The following CHN1 variants were observed in gnomAD, a reference collection of about 807,000 sequenced individuals.
CHN1 encodes the protein chimerin 1.
Under a neutral mutation model 59.5 loss-of-function variants are expected in CHN1, and 37 were observed. The observed-to-expected ratio is 0.62, with a 90% CI of 0.48 to 0.82. CHN1 has a LOEUF of 0.82. CHN1 is among the 40% of genes least tolerant of loss of function. CHN1 has a pLI of 0.00. For synonymous variants in CHN1, 206 were observed against 200.4 expected (o/e 1.03, Z -0.24); for missense variants, 469 against 571.0 (o/e 0.82, Z 1.82).
chr2:174,843,516 C>T lies in CHN1; in HGVS notation c.627+3364G>A, dbSNP rs916104714. On this transcript the variant is annotated intron_variant, in intron 7 of 12. Transcript: ENST00000409900. ...CCTCCCAAAGTGCTGGGATTACAGGCATGAGCCACTGTGCCTGGCCAAATG... is the reference window on the plus strand; with the variant it reads ...CCTCCCAAAGTGCTGGGATTACAGGTATGAGCCACTGTGCCTGGCCAAATG... 4.6e-5 allele frequency among the ~76,000 whole-genome samples: 7 copies of T among 152,102 alleles called. 1 individual carries two copies. The highest frequency in any genetic ancestry group is 3.9e-4 in the Admixed American group (6 of 15,256).
chr2:174,838,889 C>T (rs1686188542), intron 7 of CHN1, among the ~76,000 whole-genome samples: 1 of 151,848 alleles, frequency 6.6e-6, no homozygotes, highest in Non-Finnish European at 1.5e-5. Flanking sequence ...TGGTGGTGGG[C>T]ACCTGTAATC....
intron 1 of CHN1, among the ~76,000 whole-genome samples, chr2:174,987,145 T>C (rs1480103873): frequency 6.6e-6 from 1 of 152,244 alleles, no homozygotes; most frequent in Non-Finnish European, 1.5e-5. Context: ...TTTATGTTAT[T>C]GGTAAGGTTT....
chr2:174,888,479 C>A (rs1486437868), intron 5 of CHN1, among the ~76,000 whole-genome samples: 1 of 152,072 alleles, frequency 6.6e-6, no homozygotes, highest in Non-Finnish European at 1.5e-5. Context: ...GAAGAAAGGG[C>A]AATATGGGGT....
chr2:174,934,094 G>A (rs572355354), intron 3 of CHN1, among the ~76,000 whole-genome samples: 3 of 152,270 alleles, frequency 2.0e-5, no homozygotes, highest in African/African-American at 7.2e-5. Flanking sequence ...TCAGAGGTGA[G>A]GGGATGGTTT....
intron 6 of CHN1, among the ~76,000 whole-genome samples, chr2:174,860,557 G>A (rs1378730393): frequency 1.3e-5 from 2 of 152,066 alleles, no homozygotes; most frequent in Admixed American, 6.6e-5. Flanking sequence ...ACATTTTATT[G>A]AGTATCTATT....
intron 7 of CHN1, among the ~76,000 whole-genome samples, chr2:174,825,533 C>T (rs1685655269): frequency 6.6e-6 from 1 of 152,090 alleles, no homozygotes; most frequent in South Asian, 2.1e-4. Context: ...AGATACCTAT[C>T]CCTTTTACAA....
rs749005191 is a variant in CHN1 at position 174,808,881 on chromosome 2, T to A, written c.1102+24A>T. 4 of 1,611,886 alleles carry A rather than the reference T, an allele frequency of 2.5e-6. No individual in the cohort carries two copies. The Admixed American group carries it at 5.0e-5, about 20-fold the overall frequency. On this transcript the variant is annotated intron_variant, in intron 11 of 12. Transcript: ENST00000409900. ...ACCAAGAGGACGTTGTCAGGTTATT[T>A]GAAATACATGCATTCATACTTACTG...
At chr2:174,999,349 G>C (rs529612114) in intron 1 of CHN1, among the ~76,000 whole-genome samples, 1 of 152,224 alleles carries the variant, frequency 6.6e-6, no homozygotes, top group African/African-American at 2.4e-5. Flanking sequence ...TGTAATTGAT[G>C]CTTTCTATAA....
At chr2:174,973,257 CA>C (rs1234164930) in intron 1 of CHN1, among the ~76,000 whole-genome samples, 1 of 152,222 alleles carries the variant, frequency 6.6e-6, no homozygotes, top group Admixed American at 6.5e-5. Context: ...GCAGAACTAT[CA>C]TGACAACATT....
intron 1 of CHN1, among the ~76,000 whole-genome samples, chr2:174,976,203 C>G (rs982201377): frequency 1.3e-5 from 2 of 149,774 alleles, no homozygotes; most frequent in African/African-American, 4.9e-5. Context: ...AAATTTCTGC[C>G]ATGTTATGTT....
rs200448611 is a variant in CHN1 at position 174,886,825 on chromosome 2, AT to A, written c.261-8698del. On this transcript the variant is annotated intron_variant, in intron 5 of 12. Transcript: ENST00000409900. ...AGTATCACATTTTTCTCAGAAAAAA[AT>A]GTCTTACTAAAAAAATCAGTTTATT... is the stretch of plus-strand genomic sequence containing the variant. Among the ~76,000 whole-genome samples, 681 of 152,308 alleles carry A rather than the reference AT, an allele frequency of 4.5e-3. 6 individuals are homozygous for A. Among genetic ancestry groups the A allele is most frequent in the African/African-American group, 0.015 (637 of 41,568 alleles).
chr2:174,847,351 G>A, intron 6 of CHN1: 1 of 1,286,412 alleles, frequency 7.8e-7, no homozygotes, highest in Non-Finnish European at 9.8e-7. Flanking sequence ...TTCTTAAAGG[G>A]ATCTATATTC....
At chr2:174,976,729 C>T (rs115285744) in intron 1 of CHN1, among the ~76,000 whole-genome samples, 2,907 of 152,288 alleles carry the variant, frequency 0.019, 96 homozygotes, top group African/African-American at 0.067. Flanking sequence ...ATCTTCTTTG[C>T]TCCATAATTG....
chr2:174,938,247 C>A (rs1689555726), intron 3 of CHN1, among the ~76,000 whole-genome samples: 2 of 152,154 alleles, frequency 1.3e-5, no homozygotes. Context: ...TTCTTCCAAA[C>A]CAATCACTAA....
intron 3 of CHN1, among the ~76,000 whole-genome samples, chr2:174,927,945 T>TC (rs1689225050): frequency 6.6e-6 from 1 of 152,170 alleles, no homozygotes; most frequent in African/African-American, 2.4e-5. Flanking sequence ...CTAGAGAATA[T>TC]GTATATAAAG....
intron 1 of CHN1, among the ~76,000 whole-genome samples, chr2:174,986,983 G>C (rs189723452): frequency 3.9e-5 from 6 of 152,344 alleles, no homozygotes; most frequent in Non-Finnish European, 5.9e-5. Flanking sequence ...TGGTCTGCCT[G>C]CCTTGGCCTC....
At chr2:174,930,442 T>C (rs1296596339) in intron 3 of CHN1, among the ~76,000 whole-genome samples, 1 of 152,094 alleles carries the variant, frequency 6.6e-6, no homozygotes, top group Non-Finnish European at 1.5e-5. Context: ...GTGTTACCGG[T>C]GGGCTTACAA....
At chr2:174,912,283 G>A (rs1285351084) in intron 5 of CHN1, among the ~76,000 whole-genome samples, 1 of 152,184 alleles carries the variant, frequency 6.6e-6, no homozygotes, top group Non-Finnish European at 1.5e-5. Context: ...GTAGTATAAT[G>A]TAAGGTAGGG....
chr2:174,869,996 AATAAGT>A (rs1185276324), intron 6 of CHN1, among the ~76,000 whole-genome samples: 1 of 152,240 alleles, frequency 6.6e-6, no homozygotes, highest in Non-Finnish European at 1.5e-5. Context: ...ACTGTTAGTA[AATAAGT>A]ATAAGATGAA....
Sources: allele counts gnomAD v4.1 joint callset (sites outside exome capture counted in the v4.1 genomes callset), GRCh38; gene constraint gnomAD v4.1.1; transcripts MANE v1.5; gene names NCBI Gene and HGNC (gene_info 2026-07-23, HGNC 2026-07-21).